The following NDRG3 variants were observed in gnomAD, a reference collection of about 807,000 sequenced individuals.
NDRG3 encodes protein NDRG3.
In NDRG3, 23 loss-of-function variants were observed where a neutral mutation model predicts 57.2. The observed-to-expected ratio is 0.40, with a 90% CI of 0.29 to 0.57. The LOEUF (loss-of-function observed/expected upper bound fraction) is 0.57, where lower values mean the gene tolerates loss of function less well. Among genes scored for constraint, NDRG3 ranks in the 20% least tolerant of loss-of-function variants. NDRG3 has a pLI of 0.42. For missense variants in NDRG3, 384 were observed against 457.3 expected (o/e 0.84, Z 1.46); for synonymous variants, 132 against 162.6 (o/e 0.81, Z 1.43).
chr20:36,739,589 C>T (rs1985814921), intron 1 of NDRG3, among the ~76,000 whole-genome samples: 2 of 151,372 alleles, frequency 1.3e-5, no homozygotes, highest in Admixed American at 6.6e-5. Flanking sequence ...GGGCGGATCA[C>T]GAGGTCAGGA....
chr20:36,700,784 T>C (rs1983174631), intron 3 of NDRG3: 1 of 188,880 alleles, frequency 5.3e-6, no homozygotes, highest in East Asian at 1.7e-4. Context: ...CTTTCTTCTT[T>C]TTTTTTGAGA....
At chr20:36,693,814 C>G (rs951561376) in intron 3 of NDRG3, among the ~76,000 whole-genome samples, 1 of 151,696 alleles carries the variant, frequency 6.6e-6, no homozygotes, top group Non-Finnish European at 1.5e-5. Context: ...AGGGCTCCAA[C>G]AGATTCTACA....
chr20:36,687,561 G>A lies in NDRG3; in HGVS notation c.251C>T (p.Thr84Ile), dbSNP rs779009306. ...CACATGACAGACAGCAAAGTGCTGG[G>A]TGATCTCTTGCATATCCTCAAAGTT... ...FFNFEDMQEI[T>I]QHFAVCHVDA... The change falls in exon 5 of 16, where the codon ACC (threonine) becomes ATC (isoleucine). Residue 84 changes from threonine (T) to isoleucine (I), a missense_variant. Thr to Ile is a moderately conservative substitution (Grantham distance 89). Transcript: ENST00000349004. 2 of 1,614,096 alleles carry A rather than the reference G, an allele frequency of 1.2e-6. No individual in the cohort carries two copies. Among genetic ancestry groups the A allele is most frequent in the Non-Finnish European group, 1.7e-6 (2 of 1,179,990 alleles).
intron 3 of NDRG3, among the ~76,000 whole-genome samples, chr20:36,695,594 C>T (rs1437756722): frequency 2.0e-5 from 3 of 152,200 alleles, no homozygotes; most frequent in Admixed American, 6.5e-5. Context: ...GGATGAAACA[C>T]GTCCTGGTCT....
At chr20:36,698,075 C>T (rs1982954773) in intron 3 of NDRG3, among the ~76,000 whole-genome samples, 1 of 147,350 alleles carries the variant, frequency 6.8e-6, no homozygotes. Flanking sequence ...AAGTGATTTT[C>T]CTGCCTTGGC....
chr20:36,725,487 A>G (rs1378667405), intron 1 of NDRG3, among the ~76,000 whole-genome samples: 3 of 151,320 alleles, frequency 2.0e-5, no homozygotes. Context: ...CTGTAATCTC[A>G]GCTACTCGGG....
chr20:36,719,477 G>T (rs1216740312), intron 2 of NDRG3, among the ~76,000 whole-genome samples: 5 of 151,552 alleles, frequency 3.3e-5, no homozygotes, highest in African/African-American at 1.2e-4. Context: ...GAGAAGTCTG[G>T]TGAAAGATAA....
intron 3 of NDRG3, among the ~76,000 whole-genome samples, chr20:36,705,321 CA>C (rs1174347133): frequency 0.022 from 1,602 of 72,146 alleles, 29 homozygotes; most frequent in African/African-American, 0.062. Context: ...GACTCTGTCT[CA>C]AAAAAAAAAA....
chr20:36,710,009 A>G (rs1043159080), intron 2 of NDRG3, among the ~76,000 whole-genome samples: 3 of 152,208 alleles, frequency 2.0e-5, no homozygotes, highest in Non-Finnish European at 2.9e-5. Flanking sequence ...CCTTGGCTAC[A>G]TTAAAATATG....
intron 3 of NDRG3, among the ~76,000 whole-genome samples, chr20:36,705,956 G>A (rs937637408): frequency 6.6e-6 from 1 of 152,080 alleles, no homozygotes; most frequent in East Asian, 1.9e-4. Flanking sequence ...CGTTGGCCAG[G>A]CTGGTCTTGA....
At chr20:36,692,637 C>G (rs1389097751) in intron 3 of NDRG3, among the ~76,000 whole-genome samples, 2 of 152,130 alleles carry the variant, frequency 1.3e-5, no homozygotes, top group Non-Finnish European at 2.9e-5. Flanking sequence ...TTTTACCCTA[C>G]AGCAATTTTA....
At chr20:36,691,294 AC>A (rs1383134197) in intron 3 of NDRG3, among the ~76,000 whole-genome samples, 1 of 152,150 alleles carries the variant, frequency 6.6e-6, no homozygotes, top group Non-Finnish European at 1.5e-5. Context: ...ACCAAATCAA[AC>A]CATGTGTGAC....
intron 11 of NDRG3, 53 bp from the exon 12 acceptor site, chr20:36,665,150 C>T: frequency 1.9e-6 from 3 of 1,609,838 alleles, no homozygotes; most frequent in Non-Finnish European, 2.6e-6. Flanking sequence ...ATAAATTCCA[C>T]TGAACACCAA....
rs531105190 is a variant in NDRG3 at position 36,680,865 on chromosome 20, A to G, written c.482T>C (p.Ile161Thr). Residue 161 changes from isoleucine (I) to threonine (T), a missense_variant, in exon 8 of 16, where the codon ATT (isoleucine) becomes ACT (threonine). Transcript: ENST00000349004. ...GCCTTTAGCGCAAGGGTCAACATTA[A>G]TGAGCACAAGGCCTTCCACAAGCTC... is the stretch of plus-strand genomic sequence containing the variant. ...HPELVEGLVL[I>T]NVDPCAKGWI... The G allele has an allele frequency of 1.2e-6, 2 of 1,614,134 alleles. No individual in the cohort carries two copies. Among genetic ancestry groups the G allele is most frequent in the Admixed American group, 1.7e-5 (1 of 60,016 alleles).
At chr20:36,684,614 C>G in intron 5 of NDRG3, 139 bp from the exon 6 acceptor site, 1 of 693,118 alleles carries the variant, frequency 1.4e-6, no homozygotes, top group Non-Finnish European at 2.5e-6. Context: ...CTTTGGGACA[C>G]CGAGGTGGGC....
chr20:36,744,625 G>C (rs1227101623), intron 1 of NDRG3, among the ~76,000 whole-genome samples: 1 of 152,106 alleles, frequency 6.6e-6, no homozygotes, highest in Non-Finnish European at 1.5e-5. Context: ...ATTTGCTAAG[G>C]GAGAAAAACG....
chr20:36,740,604 A>C (rs925564600), intron 1 of NDRG3, among the ~76,000 whole-genome samples: 4 of 152,194 alleles, frequency 2.6e-5, no homozygotes, highest in Non-Finnish European at 5.9e-5. Context: ...GGACTCCTAA[A>C]GTGCTGGGAT....
chr20:36,738,944 T>C (rs970213193), intron 1 of NDRG3, among the ~76,000 whole-genome samples: 1 of 140,140 alleles, frequency 7.1e-6, no homozygotes, highest in South Asian at 2.3e-4. Context: ...GCTAACATGG[T>C]GAAACCCCAT....
At chr20:36,699,893 C>T (rs1296767923) in intron 3 of NDRG3, among the ~76,000 whole-genome samples, 2 of 151,992 alleles carry the variant, frequency 1.3e-5, no homozygotes, top group Non-Finnish European at 2.9e-5. Flanking sequence ...GAGGCTGAGG[C>T]AGGCGGATCA....
Sources: gnomAD v4.1 joint callset for allele counts (sites outside exome capture counted in the v4.1 genomes callset) on GRCh38, gnomAD v4.1.1 for gene constraint, MANE v1.5 for transcripts, NCBI Gene and HGNC (gene_info 2026-07-23, HGNC 2026-07-21) for gene names.